Variants in GNPDA2 observed in about 807,000 individuals in gnomAD.
GNPDA2 encodes glcN6P deaminase 2.
Under a neutral mutation model 27.0 loss-of-function variants are expected in GNPDA2, and 24 were observed. That is an observed-to-expected ratio of 0.89 (90% confidence interval 0.64 to 1.25). The LOEUF (loss-of-function observed/expected upper bound fraction) is 1.25. Among genes scored for constraint, GNPDA2 ranks in the 50% most tolerant of loss-of-function variants. GNPDA2 has a pLI of 0.00. For synonymous variants in GNPDA2, 94 were observed against 108.4 expected (o/e 0.87, Z 0.83); for missense variants, 286 against 335.1 (o/e 0.85, Z 1.14).
chr4:44,720,303 G>T (rs569105589), intron 2 of GNPDA2, among the ~76,000 whole-genome samples: 2 of 152,254 alleles, frequency 1.3e-5, no homozygotes, highest in South Asian at 4.1e-4. Flanking sequence ...TTTGCCAAAT[G>T]TCATATGGCT....
intron 1 of GNPDA2, among the ~76,000 whole-genome samples, chr4:44,725,694 G>C (rs190016720): frequency 9.9e-5 from 15 of 152,258 alleles, no homozygotes; most frequent in Admixed American, 1.3e-4. Flanking sequence ...AAGTTTTTAA[G>C]ATTTGACTTT....
At position 44,707,870 on chromosome 4, in the gene GNPDA2, T is replaced by A; in HGVS notation, c.651A>T (p.Glu217Asp). 2 of 1,613,348 alleles carry A rather than the reference T, an allele frequency of 1.2e-6. No homozygotes were observed. Among genetic ancestry groups the A allele is most frequent in the Non-Finnish European group, 1.7e-6 (2 of 1,179,466 alleles). ...HKAFALYKAIEEGVNHMWTVS... is the reference protein window; with the variant it reads ...HKAFALYKAIDEGVNHMWTVS... ...CAGTCCACATGTGATTGACTCCTTC[T>A]TCTATTGCTTTGTACAGGGCAAATG... is the stretch of plus-strand genomic sequence containing the variant. The change falls in exon 6 of 7, where the codon GAA (glutamate) becomes GAT (aspartate). Residue 217 changes from glutamate (E) to aspartate (D), a missense_variant. Glu to Asp is a conservative substitution (Grantham distance 45). Transcript: ENST00000295448.
chr4:44,706,663 A>C (rs903953890), intron 6 of GNPDA2: 1 of 151,878 alleles, frequency 6.6e-6, no homozygotes, highest in Non-Finnish European at 1.5e-5. Flanking sequence ...ACTGAGAAAA[A>C]AATGCTACCC....
At chr4:44,703,829 G>C (rs1716423272) in intron 6 of GNPDA2, 1 of 984,952 alleles carries the variant, frequency 1.0e-6, no homozygotes. Context: ...AGTTACTCCT[G>C]TTTTAATGCC....
rs770521297 is a variant in GNPDA2 at position 44,703,105 on chromosome 4, T to C, written c.807A>G (p.Leu269=). 48 of 1,612,012 alleles carry C rather than the reference T, an allele frequency of 3.0e-5. 2 individuals are homozygous for C. The South Asian group carries it at 5.0e-4, about 17-fold the overall frequency. ...MHVHNKLVDP[L]FSMKDGN is the part of the protein sequence containing the mutation. ...TTCAGTTTCCATCTTTCATACTGAA[T>C]AGTGGATCCACAAGTTTATTGTGCA... Residue 269 remains leucine, a synonymous_variant, in exon 7 of 7, where the codon CTA becomes CTG. Coordinates refer to ENST00000295448, the MANE Select transcript of GNPDA2 (RefSeq NM_138335.3).
chr4:44,726,085 T>C (rs901050621), intron 1 of GNPDA2, among the ~76,000 whole-genome samples: 66 of 152,144 alleles, frequency 4.3e-4, no homozygotes, highest in Middle Eastern at 3.2e-3. Context: ...AAGAAGGCTG[T>C]GGTTCCTGCC....
At chr4:44,711,776 C>T (rs1491327) in intron 4 of GNPDA2, among the ~76,000 whole-genome samples, 78,558 of 148,570 alleles carry the variant, frequency 0.53, 22,126 homozygotes, top group Non-Finnish European at 0.64. Flanking sequence ...GACTGTAACC[C>T]TTGTAAGAAA....
intron 6 of GNPDA2, chr4:44,704,275 G>C (rs989422195): frequency 4.1e-6 from 4 of 984,038 alleles, no homozygotes; most frequent in Non-Finnish European, 4.8e-6. Context: ...TCCAGTAGGA[G>C]AGGGGACAAC....
At chr4:44,707,046 TAAATC>T (rs1305621181) in intron 6 of GNPDA2, 2 of 152,042 alleles carry the variant, frequency 1.3e-5, no homozygotes, top group Non-Finnish European at 2.9e-5. Flanking sequence ...AGCTGACTCT[TAAATC>T]AGAGAATAGG....
intron 6 of GNPDA2, chr4:44,704,957 C>A (rs906688741): frequency 2.8e-5 from 28 of 983,894 alleles, no homozygotes; most frequent in Non-Finnish European, 3.3e-5. Context: ...CAAATCCCCA[C>A]GTACTAAACT....
At chr4:44,711,826 T>TAC (rs142382648) in intron 4 of GNPDA2, among the ~76,000 whole-genome samples, 33,643 of 117,940 alleles carry the variant, frequency 0.29, 3,970 homozygotes, top group Middle Eastern at 0.39. Context: ...TATATATATA[T>TAC]ATACACATAT....
intron 6 of GNPDA2, chr4:44,707,541 T>TG (rs1450373855): frequency 2.3e-6 from 1 of 430,998 alleles, no homozygotes; most frequent in Admixed American, 4.4e-5. Flanking sequence ...AAATAGAGAC[T>TG]GAAGAGATTC....
intron 2 of GNPDA2, among the ~76,000 whole-genome samples, chr4:44,720,883 C>T (rs796192513): frequency 9.2e-5 from 14 of 152,072 alleles, no homozygotes; most frequent in African/African-American, 2.9e-4. Flanking sequence ...CTTTCTGTCC[C>T]CACTCAAATT....
chr4:44,701,934 A>G lies in GNPDA2; in HGVS notation c.*1147T>C, dbSNP rs1716290001. ...AAACTACATTTTAATCACATAGACA[A>G]GCAGATAAGTAAGGCTTCTTCTACC... On this transcript the variant is annotated 3_prime_UTR_variant, in exon 7 of 7. Transcript: ENST00000295448. 1 of 984,342 alleles carries G rather than the reference A, an allele frequency of 1.0e-6. No individual in the cohort carries two copies. Among genetic ancestry groups the G allele is most frequent in the African/African-American group, 1.7e-5 (1 of 57,162 alleles). The allele number at this position is 984,342 out of a possible 1,614,324, so 61.0% of individuals were successfully genotyped here. A position where few individuals can be genotyped will look rare whatever the true frequency, so the allele number is the denominator to read the frequency against.
chr4:44,712,179 AC>A, intron 4 of GNPDA2, among the ~76,000 whole-genome samples: 1 of 152,102 alleles, frequency 6.6e-6, no homozygotes. Context: ...ATTTATAAGT[AC>A]CCTAGTAGCT....
At chr4:44,711,205 A>G (rs1716957597) in intron 4 of GNPDA2, 68 bp from the exon 5 acceptor site, 1 of 888,030 alleles carries the variant, frequency 1.1e-6, no homozygotes, top group African/African-American at 1.8e-5. Flanking sequence ...AATGTGCGTT[A>G]AAGAACAAAA....
Position 44,703,245 on chromosome 4 carries a change from T to C in GNPDA2, c.770-103A>G, listed in dbSNP as rs1716384356. 5.5e-6 allele frequency: 8 copies of C among 1,463,868 alleles called. No homozygotes were observed. The East Asian group carries it at 1.5e-4, about 27-fold the overall frequency. 90.7% of individuals were successfully genotyped at this position (1,463,868 alleles called of 1,614,324 possible). Reference sequence around the variant, plus strand: ...TTTTATAAGACACAGTAAGCCTGTTTAGTTCCCATCTTGATATAGTCAAGT... The same window carrying C: ...TTTTATAAGACACAGTAAGCCTGTTCAGTTCCCATCTTGATATAGTCAAGT... On this transcript the variant is annotated intron_variant, in intron 6 of 6. Transcript: ENST00000295448.
In GNPDA2 at chr4:44,717,314, A is replaced by C; in HGVS notation, c.227-19T>G. ...GGAAGTCCTAAAGATGAAGTTAATA[A>C]AAATATAAGTATTCCTGAAATAAAT... On this transcript the variant is annotated intron_variant, in intron 3 of 6. Coordinates refer to ENST00000295448, the MANE Select transcript of GNPDA2 (RefSeq NM_138335.3). 7.7e-7 allele frequency: 1 copy of C among 1,301,382 alleles called. No individual in the cohort carries two copies. The highest frequency in any genetic ancestry group is 1.5e-5 in the South Asian group (1 of 68,520). The allele number at this position is 1,301,382 out of a possible 1,614,324, so 80.6% of individuals were successfully genotyped here.
chr4:44,714,198 C>T, intron 4 of GNPDA2: 1 of 518,034 alleles, frequency 1.9e-6, no homozygotes, highest in Admixed American at 6.4e-5. Context: ...TGGTGTCGAA[C>T]TCCCAACCTC....
Sources: gnomAD v4.1 joint callset for allele counts (sites outside exome capture counted in the v4.1 genomes callset) on GRCh38, gnomAD v4.1.1 for gene constraint, MANE v1.5 for transcripts, NCBI Gene and HGNC (gene_info 2026-07-23, HGNC 2026-07-21) for gene names.